Variants in MID2 observed in about 807,000 individuals in gnomAD.
MID2 encodes the protein midline 2.
In MID2, 13 loss-of-function variants were observed where a neutral mutation model predicts 46.1. The ratio of observed to expected loss-of-function variants is 0.28; its 90% confidence interval spans 0.18 to 0.45. MID2 has a LOEUF of 0.45. MID2 is among the 20% of genes least tolerant of loss of function. The pLI is 1.00. For synonymous variants in MID2, 199 were observed against 212.3 expected, an observed-to-expected ratio of 0.94 and a Z score of 0.55; for missense variants, 431 against 575.4, an observed-to-expected ratio of 0.75 and a Z score of 2.57.
intron 3 of MID2, among the ~76,000 whole-genome samples, chrX:107,868,475 C>T (rs1932002070): frequency 9.0e-6 from 1 of 111,357 alleles, no homozygotes. Context: ...ATGAGGACCC[C>T]AAGAAGCTAG....
chrX:107,843,037 C>T (rs1602459918), intron 2 of MID2, among the ~76,000 whole-genome samples: 1 of 112,001 alleles, frequency 8.9e-6, no homozygotes, highest in African/African-American at 3.2e-5. Context: ...CTTTATGCTC[C>T]CACAACTGTA....
At chrX:107,843,490 T>G (rs761223252) in intron 2 of MID2, among the ~76,000 whole-genome samples, 18 of 112,311 alleles carry the variant, frequency 1.6e-4, no homozygotes, top group African/African-American at 5.8e-4. Context: ...TTTTGAATAG[T>G]TCCCCTTTCA....
intron 1 of MID2, among the ~76,000 whole-genome samples, chrX:107,832,119 A>T (rs1049534085): frequency 9.8e-5 from 11 of 112,546 alleles, no homozygotes; most frequent in African/African-American, 3.6e-4. Context: ...CATTAATTCC[A>T]TGTACTATAA....
intron 1 of MID2, among the ~76,000 whole-genome samples, chrX:107,830,130 G>A (rs912207265): frequency 2.7e-5 from 3 of 112,103 alleles, no homozygotes; most frequent in African/African-American, 9.7e-5. Flanking sequence ...TCATCATTCA[G>A]CAAACCTCAT....
At chrX:107,841,651 C>T (rs1455468043) in intron 2 of MID2, among the ~76,000 whole-genome samples, 2 of 112,558 alleles carry the variant, frequency 1.8e-5, no homozygotes, top group Admixed American at 9.4e-5. Flanking sequence ...GGGAAACACA[C>T]CCTCTATCTT....
In MID2 at chrX:107,928,854, C is replaced by T. The variant is rs1325879338; in HGVS notation, c.*1781C>T. The stretch of plus-strand genomic sequence containing the variant: ...AAAAATATAAATCTAGCAGCAATGT[C>T]ATCTTTTTTGATTTTAAATACCATA... On this transcript the variant is annotated 3_prime_UTR_variant, in exon 10 of 10. Coordinates refer to ENST00000262843, the MANE Select transcript of MID2 (RefSeq NM_012216.4). Among the ~76,000 whole-genome samples, 4 of 112,126 alleles carry T rather than the reference C, an allele frequency of 3.6e-5. No individual in the cohort carries two copies. The highest frequency in any genetic ancestry group is 1.3e-4 in the African/African-American group (4 of 30,902).
At chrX:107,896,585 G>A (rs1436590614) in intron 3 of MID2, among the ~76,000 whole-genome samples, 4 of 112,109 alleles carry the variant, frequency 3.6e-5, no homozygotes, top group Non-Finnish European at 7.5e-5. Context: ...TAGACATAGA[G>A]TAAAGTACAT....
chrX:107,846,551 C>G (rs1931483996), intron 2 of MID2, among the ~76,000 whole-genome samples: 1 of 111,188 alleles, frequency 9.0e-6, no homozygotes, highest in Non-Finnish European at 1.9e-5. Context: ...ATGTGTAAAT[C>G]TGTACATATT....
intron 3 of MID2, among the ~76,000 whole-genome samples, chrX:107,870,753 C>CTTTTTT (rs59717985): frequency 8.1e-5 from 6 of 74,186 alleles, no homozygotes; most frequent in African/African-American, 2.9e-4. Context: ...CAAATTGCGG[C>CTTTTTT]TTTTTTTTTT....
intron 3 of MID2, among the ~76,000 whole-genome samples, chrX:107,871,086 A>G (rs1376505165): frequency 9.0e-6 from 1 of 110,966 alleles, no homozygotes; most frequent in African/African-American, 3.3e-5. Context: ...TCCTGAGTAG[A>G]GGTTTAACTG....
At position 107,885,776 on chromosome X, in the gene MID2, G is replaced by A. The variant is rs766871118; in HGVS notation, c.817-18182G>A. On this transcript the variant is annotated intron_variant, in intron 3 of 9. Coordinates refer to ENST00000262843, the MANE Select transcript of MID2 (RefSeq NM_012216.4). ...GTTCCTATTTCTCCACATCCTCTCCGGCACCTGTTGTTTACTGACTTTTTA... is the reference window on the plus strand; with the variant it reads ...GTTCCTATTTCTCCACATCCTCTCCAGCACCTGTTGTTTACTGACTTTTTA... 7.5e-3 allele frequency among the ~76,000 whole-genome samples: 835 copies of A among 111,446 alleles called. 15 individuals are homozygous for A. The highest frequency in any genetic ancestry group is 0.026 in the African/African-American group (799 of 30,580).
chrX:107,873,960 G>C (rs1368523236), intron 3 of MID2, among the ~76,000 whole-genome samples: 11 of 106,605 alleles, frequency 1.0e-4, no homozygotes, highest in African/African-American at 3.9e-4. Context: ...CTTAATTTGA[G>C]TGCCCTTGTG....
rs147208317 is a variant in MID2 at position 107,849,414 on chromosome X, C to T, written c.721-5195C>T. Among the ~76,000 whole-genome samples the T allele has an allele frequency of 7.4e-4, 81 of 109,749 alleles. No individual in the cohort carries two copies. The Middle Eastern group carries it at 0.023, about 32-fold the overall frequency. On this transcript the variant is annotated intron_variant, in intron 2 of 9. Coordinates refer to ENST00000262843, the MANE Select transcript of MID2 (RefSeq NM_012216.4). ...AATAAAGAGGTGGTGTCTTGATGTA[C>T]GCCTAGTTTTCTTGAGAGAGTCAAT...
chrX:107,866,720 T>A (rs889445837), intron 3 of MID2, among the ~76,000 whole-genome samples: 1 of 112,233 alleles, frequency 8.9e-6, no homozygotes, highest in Non-Finnish European at 1.9e-5. Context: ...GTATGAAGCA[T>A]TGCCAAGCAA....
At chrX:107,893,436 T>C (rs1188317037) in intron 3 of MID2, among the ~76,000 whole-genome samples, 1 of 112,871 alleles carries the variant, frequency 8.9e-6, no homozygotes, top group East Asian at 2.8e-4. Flanking sequence ...TGTATATGTC[T>C]CATTATTACT....
rs151014962 is a variant in MID2 at position 107,876,142 on chromosome X, C to T, written c.816+21438C>T. ...ATATCTGTAGCAGTTAACAGGTGCA[C>T]CTCAGGAATCCTGGGGTTTGTGGGC... On this transcript the variant is annotated intron_variant, in intron 3 of 9. Coordinates refer to ENST00000262843, the MANE Select transcript of MID2 (RefSeq NM_012216.4). Among the ~76,000 whole-genome samples the T allele has an allele frequency of 5.3e-3, 587 of 111,089 alleles. 5 individuals are homozygous for T. The highest frequency in any genetic ancestry group is 0.028 in the Admixed American group (288 of 10,452).
At chrX:107,879,226 C>A (rs1266423536) in intron 3 of MID2, among the ~76,000 whole-genome samples, 1 of 111,892 alleles carries the variant, frequency 8.9e-6, no homozygotes, top group Non-Finnish European at 1.9e-5. Flanking sequence ...CGGTGACTGC[C>A]TTTTGCACCC....
chrX:107,826,840 C>T (rs1930963149), intron 1 of MID2, among the ~76,000 whole-genome samples: 1 of 113,607 alleles, frequency 8.8e-6, no homozygotes, highest in African/African-American at 3.2e-5. Context: ...TCGGCCCAGG[C>T]GTCGCCCCTT....
chrX:107,874,784 G>A (rs1932161868), intron 3 of MID2, among the ~76,000 whole-genome samples: 2 of 111,501 alleles, frequency 1.8e-5, no homozygotes, highest in Admixed American at 9.5e-5. Flanking sequence ...CCCCTCAGTT[G>A]CTTGAGGGTT....
Sources: gnomAD v4.1 joint callset for allele counts (sites outside exome capture counted in the v4.1 genomes callset) on GRCh38, gnomAD v4.1.1 for gene constraint, MANE v1.5 for transcripts, NCBI Gene and HGNC (gene_info 2026-07-23, HGNC 2026-07-21) for gene names.